The following PRPF8 variants were observed in gnomAD, a reference collection of about 807,000 sequenced individuals.
The protein encoded by PRPF8 is pre-mRNA processing factor 8.
In PRPF8, 64 loss-of-function variants were observed where a neutral mutation model predicts 285.9. The ratio of observed to expected loss-of-function variants is 0.22; its 90% CI spans 0.18 to 0.28. The LOEUF (loss-of-function observed/expected upper bound fraction) is 0.28, where lower values mean the gene tolerates loss of function less well. Among genes scored for constraint, PRPF8 ranks in the 10% least tolerant of loss-of-function variants. The pLI is 1.00. For synonymous variants in PRPF8, 1,325 were observed against 1,118.2 expected (o/e 1.18, Z -3.69); for missense variants, 1,426 against 3,026.7 (o/e 0.47, Z 12.41).
Position 1,673,028 on chromosome 17 carries a change from T to G in PRPF8, c.3774+53A>C. On this transcript the variant is annotated intron_variant, in intron 24 of 42. Transcript: ENST00000304992. This position sits in a 1 kb window ranked among gnomAD's most constrained non-coding sequence, Gnocchi z 5.5. ...GGGACGAAGTGAAAGGGGTGTGAAA[T>G]GAGCAGAGGACAGCAGAGGACAAGA... 6.6e-7 allele frequency: 1 copy of G among 1,525,752 alleles called. No individual in the cohort carries two copies. The highest frequency in any genetic ancestry group is 9.1e-7 in the Non-Finnish European group (1 of 1,099,598). The allele number at this position is 1,525,752 out of a possible 1,614,324, so 94.5% of individuals were successfully genotyped here. A position where few individuals can be genotyped will look rare whatever the true frequency, so the allele number is the denominator to read the frequency against.
Position 1,655,376 on chromosome 17 carries a change from G to A in PRPF8, c.5961C>T (p.Ile1987=). ...TGTTTTTCTTGCCGTAGTCAGCCAA[G>A]ATCAGATCCTTGAGCTGCACCTCGA... ...IKVEVQLKDL[I]LADYGKKNNV... The change falls in exon 37 of 43, where the codon ATC becomes ATT. Residue 1987 remains isoleucine (I), a synonymous_variant. Coordinates refer to ENST00000304992, the MANE Select transcript of PRPF8 (RefSeq NM_006445.4). 1.2e-6 allele frequency: 2 copies of A among 1,613,718 alleles called. No individual in the cohort carries two copies. Among genetic ancestry groups the A allele is most frequent in the Non-Finnish European group, 1.7e-6 (2 of 1,180,030 alleles).
chr17:1,679,726 G>A lies in PRPF8; in HGVS notation c.1172C>T (p.Thr391Ile). ...PEFVEPFLKDTPLYTDNTANG... is the reference protein window; with the variant it reads ...PEFVEPFLKDIPLYTDNTANG... ...GGCTGTATTGTCTGTATAGAGGGGTGTGTCCTTCAGGAAGGGCTCCACAAA... is the reference window on the plus strand; with the variant it reads ...GGCTGTATTGTCTGTATAGAGGGGTATGTCCTTCAGGAAGGGCTCCACAAA... Residue 391 changes from threonine (T) to isoleucine (I), a missense_variant, in exon 9 of 43, where the codon ACA (threonine) becomes ATA (isoleucine). Physicochemically the swap from Thr to Ile is moderately conservative, Grantham distance 89. Coordinates refer to ENST00000304992, the MANE Select transcript of PRPF8 (RefSeq NM_006445.4). The surrounding 1 kb of genome is among the most constrained non-coding windows in gnomAD (Gnocchi z 4.7). 6.2e-7 allele frequency: 1 copy of A among 1,614,198 alleles called. No homozygotes were observed. Among genetic ancestry groups the A allele is most frequent in the Non-Finnish European group, 8.5e-7 (1 of 1,180,036 alleles).
chr17:1,683,010 T>A, intron 3 of PRPF8: 1 of 181,990 alleles, frequency 5.5e-6, no homozygotes, highest in South Asian at 1.0e-4. Context: ...TTTTTTTTTT[T>A]TTTGAGACGG....
rs1299737371 is a variant in PRPF8, at chr17:1,673,929, C to T, written c.3300-37G>A. 1.2e-6 allele frequency: 2 copies of T among 1,607,322 alleles called. No individual in the cohort carries two copies. The highest frequency in any genetic ancestry group is 3.3e-5 in the Admixed American group (2 of 60,018). The stretch of plus-strand genomic sequence containing the variant: ...CAGGTACACTGCTGAGGCCCCAGTA[C>T]ACTGAGATTTGGGACACCCACAAGT... On this transcript the variant is annotated intron_variant, in intron 21 of 42. Transcript: ENST00000304992. The surrounding 1 kb of genome is among the most constrained non-coding windows in gnomAD (Gnocchi z 5.5).
Position 1,653,893 on chromosome 17 carries a change from C to T in PRPF8, c.6111G>A (p.Ser2037=), listed in dbSNP as rs138631648. 1.1e-5 allele frequency: 18 copies of T among 1,614,024 alleles called. No individual in the cohort carries two copies. In the African/African-American group the frequency reaches 1.3e-4, roughly 12 times the overall value. ...TGCGAGTCTGTGTTGCCGTCAGCTG[C>T]GATTGTTCCTTGGTCTGCTTCTCGA... ...AEIEKQTKEQ[S]QLTATQTRTV... Residue 2037 remains serine, a synonymous_variant, in exon 38 of 43, where the codon TCG becomes TCA. Coordinates refer to ENST00000304992, the MANE Select transcript of PRPF8 (RefSeq NM_006445.4). This position sits in a 1 kb window ranked among gnomAD's most constrained non-coding sequence, Gnocchi z 4.9.
chr17:1,660,650 A>G, intron 29 of PRPF8, 48 bp downstream of exon 29: 5 of 1,614,212 alleles, frequency 3.1e-6, no homozygotes, highest in Non-Finnish European at 4.2e-6. Flanking sequence ...CAAGGCAAGA[A>G]GCAGCAACTG....
Position 1,684,777 on chromosome 17 carries a change from C to T in PRPF8, c.-12+3G>A, listed in dbSNP as rs1226366751. ...AGCCCGGCCTTAAACGCCTGCCACG[C>T]ACCCCACAGGCCCTCACACAAGAGG... On this transcript the variant is annotated splice_donor_region_variant and intron_variant, in intron 1 of 42. Transcript: ENST00000304992. 1 of 627,094 alleles carries T rather than the reference C, an allele frequency of 1.6e-6. No individual in the cohort carries two copies. Among genetic ancestry groups the T allele is most frequent in the Non-Finnish European group, 2.9e-6 (1 of 349,314 alleles). The allele number at this position is 627,094 out of a possible 1,614,324, so 38.8% of individuals were successfully genotyped here.
At chr17:1,678,159 T>C (rs1353214476) in intron 13 of PRPF8, among the ~76,000 whole-genome samples, 2 of 151,890 alleles carry the variant, frequency 1.3e-5, no homozygotes, top group African/African-American at 2.4e-5. Context: ...TACTAAAATT[T>C]CAAAAACTAG....
At position 1,681,502 on chromosome 17, in the gene PRPF8, G is replaced by A. The variant is rs1483082749; in HGVS notation, c.842C>T (p.Pro281Leu). The change falls in exon 6 of 43, where the codon CCT becomes CTT. Residue 281 changes from proline (P) to leucine (L), a missense_variant. Coordinates refer to ENST00000304992, the MANE Select transcript of PRPF8 (RefSeq NM_006445.4). ...CTGTAGGTTGATGTCTCGAACAAGA[G>A]GTTCAAATTTGGGGCCTCCAGGAAT... is the stretch of plus-strand genomic sequence containing the variant. ...MAIPGGPKFE[P>L]LVRDINLQDE... 3 of 1,605,138 alleles carry A rather than the reference G, an allele frequency of 1.9e-6. No individual in the cohort carries two copies. Among genetic ancestry groups the A allele is most frequent in the Non-Finnish European group, 2.6e-6 (3 of 1,171,982 alleles).
intron 36 of PRPF8, among the ~76,000 whole-genome samples, chr17:1,655,865 A>T (rs1438065753): frequency 6.7e-6 from 1 of 148,250 alleles, no homozygotes; most frequent in African/African-American, 2.5e-5. Flanking sequence ...TGACCTCGTG[A>T]TCCGCCGCCT....
At chr17:1,677,839 A>C (rs1177913089) in intron 13 of PRPF8, 145 bp from the exon 14 acceptor site, 1 of 1,055,702 alleles carries the variant, frequency 9.5e-7, no homozygotes, top group Non-Finnish European at 1.4e-6. Context: ...AGAAAAAAAA[A>C]CTCTGGGACC....
intron 37 of PRPF8, chr17:1,654,827 A>G (rs1911271405): frequency 6.1e-6 from 1 of 162,604 alleles, no homozygotes; most frequent in African/African-American, 2.4e-5. Flanking sequence ...AGATGGCGTC[A>G]GTCTCTTGTT....
Position 1,677,587 on chromosome 17 carries a change from G to A in PRPF8, c.1962C>T (p.Asn654=), listed in dbSNP as rs1912671176. ...ITPLLERWLG[N]LLARQFEGRH... The stretch of plus-strand genomic sequence containing the variant: ...CACCTTCAAACTGCCGGGCCAGGAG[G>A]TTGCCAAGCCATCGCTCTAATAAAG... The change falls in exon 14 of 43, where the codon AAC becomes AAT. Residue 654 remains asparagine, a synonymous_variant. Coordinates refer to ENST00000304992, the MANE Select transcript of PRPF8 (RefSeq NM_006445.4). 1 of 1,613,880 alleles carries A rather than the reference G, an allele frequency of 6.2e-7. No individual in the cohort carries two copies. Among genetic ancestry groups the A allele is most frequent in the Non-Finnish European group, 8.5e-7 (1 of 1,180,016 alleles).
Position 1,654,006 on chromosome 17 carries a change from C to T in PRPF8, c.5998G>A (p.Ala2000Thr), listed in dbSNP as rs1342497870. Residue 2000 changes from alanine to threonine, a missense_variant, in exon 38 of 43, where the codon GCA (alanine) becomes ACA (threonine). Physicochemically the swap from Ala to Thr is moderately conservative, Grantham distance 58. Transcript: ENST00000304992. ...DYGKKNNVNV[A>T]SLTQSEIRDI... ...CGAATTTCTGATTGTGTCAGTGATG[C>T]CACGTTCACACTGTGGGGATGGTGT... is the stretch of plus-strand genomic sequence containing the variant. 1 of 1,614,162 alleles carries T rather than the reference C, an allele frequency of 6.2e-7. No homozygotes were observed. The highest frequency in any genetic ancestry group is 8.5e-7 in the Non-Finnish European group (1 of 1,180,038).
Position 1,681,147 on chromosome 17 carries a change from T to C in PRPF8, c.867-93A>G, listed in dbSNP as rs1043931709. ...AAGCTGGAATGCAATGGCATGATCATCGTTCACTGCAGCCGTGACCTCCTG... is the reference window on the plus strand; with the variant it reads ...AAGCTGGAATGCAATGGCATGATCACCGTTCACTGCAGCCGTGACCTCCTG... On this transcript the variant is annotated intron_variant, in intron 6 of 42. Transcript: ENST00000304992. The C allele has an allele frequency of 7.3e-6, 10 of 1,378,024 alleles. No individual in the cohort carries two copies. The African/African-American group carries it at 1.4e-4, about 20-fold the overall frequency. 85.4% of individuals were successfully genotyped at this position (1,378,024 alleles called of 1,614,324 possible). A position where few individuals can be genotyped will look rare whatever the true frequency, so the allele number is the denominator to read the frequency against.
At chr17:1,683,071 CTACA>C in intron 3 of PRPF8, 1 of 222,478 alleles carries the variant, frequency 4.5e-6, no homozygotes. Context: ...TCTCGGCTCA[CTACA>C]AGTTCCGCCT....
At position 1,681,861 on chromosome 17, in the gene PRPF8, C is replaced by A; in HGVS notation, c.612G>T (p.Leu204Phe). ...ELDPEEDAPV[L>F]DWFYDHQPLR... ...ACGGCTGGTGGTCATAGAACCAGTC[C>A]AACACAGGGGCGTCCTCCTCAGGGT... is the stretch of plus-strand genomic sequence containing the variant. Residue 204 changes from leucine (L) to phenylalanine (F), a missense_variant, in exon 5 of 43, where the codon TTG (leucine) becomes TTT (phenylalanine). Transcript: ENST00000304992. 1 of 1,613,976 alleles carries A rather than the reference C, an allele frequency of 6.2e-7. No homozygotes were observed. Among genetic ancestry groups the A allele is most frequent in the Non-Finnish European group, 8.5e-7 (1 of 1,180,000 alleles).
At position 1,658,905 on chromosome 17, in the gene PRPF8, G is replaced by C. The variant is rs1911534607; in HGVS notation, c.5139-142C>G. On this transcript the variant is annotated intron_variant, in intron 32 of 42. Coordinates refer to ENST00000304992, the MANE Select transcript of PRPF8 (RefSeq NM_006445.4). The surrounding 1 kb of genome is among the most constrained non-coding windows in gnomAD (Gnocchi z 4.1). ...TCATGTGTACATACAGGCTGGAGAA[G>C]AGAATCAGTGACCCATAGGAGGAAT... The C allele has an allele frequency of 7.6e-5, 59 of 776,520 alleles. 1 individual carries two copies. The South Asian group carries it at 8.1e-4, about 11-fold the overall frequency. The allele number at this position is 776,520 out of a possible 1,614,324, so 48.1% of individuals were successfully genotyped here. A position where few individuals can be genotyped will look rare whatever the true frequency, so the allele number is the denominator to read the frequency against.
At position 1,662,299 on chromosome 17, in the gene PRPF8, C is replaced by G. The variant is rs1394663385; in HGVS notation, c.3775-146G>C. 1.0e-4 allele frequency: 100 copies of G among 992,770 alleles called. No homozygotes were observed. The East Asian group carries it at 2.6e-3, about 26-fold the overall frequency. The allele number at this position is 992,770 out of a possible 1,614,324, so 61.5% of individuals were successfully genotyped here. A position where few individuals can be genotyped will look rare whatever the true frequency, so the allele number is the denominator to read the frequency against. On this transcript the variant is annotated intron_variant, in intron 24 of 42. Transcript: ENST00000304992. Reference sequence around the variant, plus strand: ...GTCACTAGGGAAATAGAAAGCAAAACACAATGAGGCTGGGCGCGATGGCTC... The same window carrying G: ...GTCACTAGGGAAATAGAAAGCAAAAGACAATGAGGCTGGGCGCGATGGCTC...
Sources: gnomAD v4.1 joint callset for allele counts (sites outside exome capture counted in the v4.1 genomes callset) on GRCh38, gnomAD v4.1.1 for gene constraint, Gnocchi (gnomAD v3.1) non-coding constraint, MANE v1.5 for transcripts, NCBI Gene and HGNC (gene_info 2026-07-23, HGNC 2026-07-21) for gene names.